SEMA6D: variants seen among roughly 807,000 people sequenced by gnomAD.
SEMA6D encodes semaphorin-6D.
In SEMA6D, 35 loss-of-function variants were observed where a neutral mutation model predicts 106.6. That is an observed-to-expected ratio of 0.33 (90% CI 0.25 to 0.44). SEMA6D has a LOEUF of 0.44. Among genes scored for constraint, SEMA6D ranks in the 20% least tolerant of loss-of-function variants. The probability of loss-of-function intolerance (pLI) is 1.00; values close to 1 mark genes in which losing one functional copy is unlikely to be tolerated. For missense variants in SEMA6D, 1,185 were observed against 1,345.9 expected, an observed-to-expected ratio of 0.88 and a Z score of 1.87; for synonymous variants, 499 against 487.7, an observed-to-expected ratio of 1.02 and a Z score of -0.31.
intron 3 of SEMA6D, among the ~76,000 whole-genome samples, chr15:47,515,399 A>G (rs1010170930): frequency 1.3e-5 from 2 of 152,184 alleles, no homozygotes; most frequent in East Asian, 3.8e-4. Flanking sequence ...GCCCCCTTCC[A>G]TGAAAGTCAA....
At chr15:47,249,151 A>G (rs978989362) in intron 1 of SEMA6D, among the ~76,000 whole-genome samples, 52 of 152,180 alleles carry the variant, frequency 3.4e-4, no homozygotes, top group African/African-American at 1.2e-3. Flanking sequence ...TCGCCTGAGC[A>G]CAGGAGGCAG....
At chr15:47,186,731 A>G (rs1253461992) in intron 1 of SEMA6D, among the ~76,000 whole-genome samples, 3 of 152,172 alleles carry the variant, frequency 2.0e-5, no homozygotes, top group Admixed American at 6.5e-5. Context: ...AAGAGTATTC[A>G]CAGCTATGTA....
At chr15:47,345,592 C>T (rs1309763668) in intron 1 of SEMA6D, among the ~76,000 whole-genome samples, 3 of 152,014 alleles carry the variant, frequency 2.0e-5, no homozygotes, top group Admixed American at 2.0e-4. Context: ...AAACCTAAAA[C>T]TATAAAACTT....
At chr15:47,764,518 T>A (rs2082233430) in intron 11 of SEMA6D, 120 bp from the exon 12 acceptor site, 1 of 1,421,600 alleles carries the variant, frequency 7.0e-7, no homozygotes, top group Admixed American at 2.1e-5. Context: ...CTCCTTTAGT[T>A]TCACTCACTC....
intron 4 of SEMA6D, among the ~76,000 whole-genome samples, chr15:47,614,173 G>A (rs2076963893): frequency 6.6e-6 from 1 of 152,030 alleles, no homozygotes; most frequent in Admixed American, 6.6e-5. Flanking sequence ...TGAATCAGGT[G>A]AAAAAAAGAA....
chr15:47,629,220 CTTA>C (rs2077253665), intron 4 of SEMA6D, among the ~76,000 whole-genome samples: 1 of 151,924 alleles, frequency 6.6e-6, no homozygotes, highest in African/African-American at 2.4e-5. Context: ...CTCTTTCCAC[CTTA>C]TTATGCTTTT....
intron 1 of SEMA6D, among the ~76,000 whole-genome samples, chr15:47,370,961 G>T (rs1271208735): frequency 6.6e-6 from 1 of 152,192 alleles, no homozygotes; most frequent in Non-Finnish European, 1.5e-5. Context: ...TGTAGTTCAG[G>T]GTTGCTTTAT....
chr15:47,593,292 C>T (rs2076473313), intron 3 of SEMA6D, among the ~76,000 whole-genome samples: 1 of 151,464 alleles, frequency 6.6e-6, no homozygotes, highest in Non-Finnish European at 1.5e-5. Context: ...GTAGTCCCAG[C>T]TGTTCAGGAG....
intron 3 of SEMA6D, among the ~76,000 whole-genome samples, chr15:47,515,657 A>G (rs2044364801): frequency 6.6e-6 from 1 of 152,220 alleles, no homozygotes; most frequent in African/African-American, 2.4e-5. Context: ...GGCAGCCTTC[A>G]GCAAAGGCAG....
chr15:47,298,128 G>A (rs1263057021), intron 1 of SEMA6D, among the ~76,000 whole-genome samples: 1 of 152,140 alleles, frequency 6.6e-6, no homozygotes, highest in Non-Finnish European at 1.5e-5. Flanking sequence ...GGCAGTATTG[G>A]TAAGTAATGG....
chr15:47,228,044 TTATA>T (rs1188412493), intron 1 of SEMA6D, among the ~76,000 whole-genome samples: 1 of 141,982 alleles, frequency 7.0e-6, no homozygotes, highest in Non-Finnish European at 1.5e-5. Flanking sequence ...TATAAGAATC[TTATA>T]TATATATTTT....
intron 1 of SEMA6D, among the ~76,000 whole-genome samples, chr15:47,358,132 T>TA (rs2038662126): frequency 2.0e-5 from 3 of 152,220 alleles, no homozygotes; most frequent in Admixed American, 2.0e-4. Context: ...CAGATGATGC[T>TA]GTTCCCCAAA....
intron 1 of SEMA6D, among the ~76,000 whole-genome samples, chr15:47,198,782 A>C (rs1399309246): frequency 6.6e-6 from 1 of 152,172 alleles, no homozygotes; most frequent in African/African-American, 2.4e-5. Flanking sequence ...CTTCCTTGAC[A>C]CCAATATTTT....
chr15:47,281,430 G>A lies in SEMA6D; in HGVS notation c.-239+97012G>A, dbSNP rs529736342. ...TTTGAGCCTATGTGTGTCTCTGTAC[G>A]TGAGATGGGTTTCCTGAATACAGCA... On this transcript the variant is annotated intron_variant, in intron 1 of 19. Transcript: ENST00000558014. 8.4e-3 allele frequency among the ~76,000 whole-genome samples: 1,252 copies of A among 148,408 alleles called. 14 individuals are homozygous for A. The highest frequency in any genetic ancestry group is 0.03 in the African/African-American group (1,192 of 40,096).
At chr15:47,641,052 C>T (rs2077479240) in intron 4 of SEMA6D, among the ~76,000 whole-genome samples, 1 of 152,128 alleles carries the variant, frequency 6.6e-6, no homozygotes, top group Non-Finnish European at 1.5e-5. Context: ...TTTTCAAAGC[C>T]AAGTTAAATG....
chr15:47,681,458 G>T (rs1403263061), intron 4 of SEMA6D, among the ~76,000 whole-genome samples: 1 of 152,162 alleles, frequency 6.6e-6, no homozygotes, highest in Non-Finnish European at 1.5e-5. Flanking sequence ...GGAGAAAATG[G>T]AGAGTTGCTG....
At chr15:47,475,623 C>T (rs989913730) in intron 3 of SEMA6D, among the ~76,000 whole-genome samples, 9 of 152,054 alleles carry the variant, frequency 5.9e-5, no homozygotes, top group Admixed American at 2.0e-4. Context: ...AGTTGCATGG[C>T]GCAGAGTTCA....
intron 1 of SEMA6D, among the ~76,000 whole-genome samples, chr15:47,293,489 A>ATT (rs2035676221): frequency 6.6e-6 from 1 of 152,200 alleles, no homozygotes; most frequent in African/African-American, 2.4e-5. Flanking sequence ...TTGGGTTAAT[A>ATT]AAGGCTGGAC....
intron 3 of SEMA6D, among the ~76,000 whole-genome samples, chr15:47,485,059 C>T (rs919705179): frequency 1.3e-5 from 2 of 152,110 alleles, no homozygotes; most frequent in African/African-American, 2.4e-5. Context: ...TGAATACTTA[C>T]GAATCTTTAG....
Sources: allele counts gnomAD v4.1 joint callset (sites outside exome capture counted in the v4.1 genomes callset), GRCh38; gene constraint gnomAD v4.1.1; transcripts MANE v1.5; gene names NCBI Gene and HGNC (gene_info 2026-07-23, HGNC 2026-07-21).